HNF1A: variants seen among roughly 807,000 people sequenced by gnomAD.
HNF1A encodes the protein HNF1 homeobox A, also known as hepatocyte nuclear factor 1-alpha.
A neutral mutation model predicts 62.2 loss-of-function variants in HNF1A; 21 were observed. The observed-to-expected ratio is 0.34, with a 90% CI of 0.24 to 0.49. The LOEUF (loss-of-function observed/expected upper bound fraction) is 0.49. HNF1A is among the 20% of genes least tolerant of loss of function. The pLI is 0.99. For missense variants in HNF1A, 687 were observed against 832.3 expected, an observed-to-expected ratio of 0.83 and a Z score of 2.15; for synonymous variants, 374 against 366.8, an observed-to-expected ratio of 1.02 and a Z score of -0.22.
At chr12:120,994,637 TTCCATCCAC>T (rs1462304587) in intron 4 of HNF1A, among the ~76,000 whole-genome samples, 2 of 149,674 alleles carry the variant, frequency 1.3e-5, no homozygotes, top group Non-Finnish European at 1.5e-5. Context: ...ATTAACCCCA[TTCCATCCAC>T]TCCATCCACT....
chr12:120,991,668 A>C (rs1433581940), intron 2 of HNF1A, among the ~76,000 whole-genome samples: 2 of 152,268 alleles, frequency 1.3e-5, no homozygotes, highest in Admixed American at 6.5e-5. Flanking sequence ...TGCAATAGAC[A>C]ACTCTAGTCC....
At chr12:120,982,298 G>A (rs918782025) in intron 1 of HNF1A, among the ~76,000 whole-genome samples, 2 of 152,110 alleles carry the variant, frequency 1.3e-5, no homozygotes, top group African/African-American at 2.4e-5. Context: ...TCAAACTCCT[G>A]ACCTCAGGTG....
intron 1 of HNF1A, among the ~76,000 whole-genome samples, chr12:120,980,187 A>T (rs1209322625): frequency 6.6e-6 from 1 of 152,172 alleles, no homozygotes; most frequent in Non-Finnish European, 1.5e-5. Flanking sequence ...TAGAGCCGGG[A>T]AGGAGCTAGA....
In HNF1A at chr12:120,996,756, G is replaced by C; in HGVS notation, c.1309+14G>C. ...CCCTGGTCATCGGTAAGCTGGTGGG[G>C]ATGGGTGGGCACCTGGGTGGGAGGC... is the stretch of plus-strand genomic sequence containing the variant. On this transcript the variant is annotated intron_variant, in intron 6 of 9. Coordinates refer to ENST00000257555, the MANE Select transcript of HNF1A (RefSeq NM_000545.8). The surrounding 1 kb of genome is among the most constrained non-coding windows in gnomAD (Gnocchi z 4.5). 6.2e-7 allele frequency: 1 copy of C among 1,613,764 alleles called. No individual in the cohort carries two copies. The highest frequency in any genetic ancestry group is 8.5e-7 in the Non-Finnish European group (1 of 1,179,892).
intron 1 of HNF1A, 139 bp downstream of exon 1, chr12:120,979,233 T>G (rs1876127209): frequency 1.2e-6 from 1 of 805,532 alleles, no homozygotes; most frequent in South Asian, 1.5e-5. Flanking sequence ...ACAGGGCCCA[T>G]GAGAGCCCAG....
In HNF1A at chr12:121,002,252, G is replaced by T; in HGVS notation, c.*1060G>T. 1 of 441,092 alleles carries T rather than the reference G, an allele frequency of 2.3e-6. No individual in the cohort carries two copies. The highest frequency in any genetic ancestry group is 2.0e-5 in the African/African-American group (1 of 50,800). 27.3% of individuals were successfully genotyped at this position (441,092 alleles called of 1,614,324 possible). On this transcript the variant is annotated 3_prime_UTR_variant, in exon 10 of 10. Coordinates refer to ENST00000257555, the MANE Select transcript of HNF1A (RefSeq NM_000545.8). ...CAGAAGCCTGGGGGCCTGGCTGGCT[G>T]AGGGCAGTTCGCAGCCACCCTGAGG... is the stretch of plus-strand genomic sequence containing the variant.
At position 120,996,199 on chromosome 12, in the gene HNF1A, C is replaced by A. The variant is rs143288472; in HGVS notation, c.956-63C>A. The A allele has an allele frequency of 6.6e-5, 105 of 1,589,130 alleles. 1 individual carries two copies. In the African/African-American group the frequency reaches 6.7e-4, roughly 10 times the overall value. On this transcript the variant is annotated intron_variant, in intron 4 of 9. Transcript: ENST00000257555. This position sits in a 1 kb window ranked among gnomAD's most constrained non-coding sequence, Gnocchi z 4.5. ...CCAATGGAGTTTGAAGTGCTGAGGG[C>A]TGTGGAGGCAGGGGAGGGCAGGGAA...
intron 1 of HNF1A, among the ~76,000 whole-genome samples, chr12:120,981,246 A>C (rs566427780): frequency 8.5e-5 from 13 of 152,292 alleles, no homozygotes; most frequent in African/African-American, 3.1e-4. Context: ...TGTCTAGTAG[A>C]AGCTGTTTCC....
chr12:120,986,925 G>A (rs1157489900), intron 1 of HNF1A, among the ~76,000 whole-genome samples: 1 of 152,068 alleles, frequency 6.6e-6, no homozygotes, highest in African/African-American at 2.4e-5. Context: ...TTCAGGAGAG[G>A]GAGAGAGAAA....
chr12:120,990,267 G>T (rs1224959101), intron 2 of HNF1A, among the ~76,000 whole-genome samples: 1 of 151,886 alleles, frequency 6.6e-6, no homozygotes, highest in African/African-American at 2.4e-5. Context: ...TCAGCCTCCC[G>T]AGTAGCTGGG....
chr12:120,978,544 G>A lies in HNF1A; in HGVS notation c.-225G>A. 1.6e-6 allele frequency: 1 copy of A among 608,220 alleles called. No individual in the cohort carries two copies. The highest frequency in any genetic ancestry group is 2.8e-5 in the East Asian group (1 of 35,894). The allele number at this position is 608,220 out of a possible 1,614,324, so 37.7% of individuals were successfully genotyped here. A position where few individuals can be genotyped will look rare whatever the true frequency, so the allele number is the denominator to read the frequency against. ...ATATGAACCTTGGAGAATTTCCCCAGCTCCAATGTAAACAGAACAGGCAGG... is the reference window on the plus strand; with the variant it reads ...ATATGAACCTTGGAGAATTTCCCCAACTCCAATGTAAACAGAACAGGCAGG... On this transcript the variant is annotated 5_prime_UTR_variant, in exon 1 of 10. Coordinates refer to ENST00000257555, the MANE Select transcript of HNF1A (RefSeq NM_000545.8).
chr12:120,993,808 C>G (rs901028641), intron 3 of HNF1A, 102 bp downstream of exon 3: 1 of 1,233,108 alleles, frequency 8.1e-7, no homozygotes, highest in Non-Finnish European at 1.1e-6. Flanking sequence ...GTCCAGTTGC[C>G]GAGAACTCCT....
chr12:120,990,511 G>A lies in HNF1A; in HGVS notation c.526+1479G>A, dbSNP rs527729160. Among the ~76,000 whole-genome samples the A allele has an allele frequency of 2.0e-4, 31 of 152,250 alleles. No individual in the cohort carries two copies. In the South Asian group the frequency reaches 5.8e-3, roughly 29 times the overall value. ...TCAGCTACTGAGGAGGCTGAGGTGGGAGGACTGTTTGAGCCCCCAGGGGTT... is the reference window on the plus strand; with the variant it reads ...TCAGCTACTGAGGAGGCTGAGGTGGAAGGACTGTTTGAGCCCCCAGGGGTT... On this transcript the variant is annotated intron_variant, in intron 2 of 9. Transcript: ENST00000257555.
At position 120,989,037 on chromosome 12, in the gene HNF1A, G is replaced by A. The variant is rs1432009039; in HGVS notation, c.526+5G>A. 1 of 1,614,036 alleles carries A rather than the reference G, an allele frequency of 6.2e-7. No homozygotes were observed. Among genetic ancestry groups the A allele is most frequent in the Non-Finnish European group, 8.5e-7 (1 of 1,179,988 alleles). On this transcript the variant is annotated splice_donor_5th_base_variant and intron_variant, in intron 2 of 9. Coordinates refer to ENST00000257555, the MANE Select transcript of HNF1A (RefSeq NM_000545.8). ...AGCAGCGAGAGGTGGCGCAGCGTAA[G>A]TAATGACCCTACCCCGCATCTTCCC...
intron 1 of HNF1A, among the ~76,000 whole-genome samples, chr12:120,982,011 G>A (rs1470943499): frequency 6.6e-6 from 1 of 152,164 alleles, no homozygotes; most frequent in Non-Finnish European, 1.5e-5. Context: ...CTTCCTGGGT[G>A]TCCTCCCGGG....
intron 4 of HNF1A, among the ~76,000 whole-genome samples, chr12:120,995,728 C>CTA (rs1877063230): frequency 6.6e-6 from 1 of 151,956 alleles, no homozygotes. Flanking sequence ...CCACTCCACC[C>CTA]TATACCATTC....
chr12:120,997,161 A>G, intron 6 of HNF1A: 1 of 1,409,628 alleles, frequency 7.1e-7, no homozygotes, highest in Non-Finnish European at 9.2e-7. Flanking sequence ...GGAGCAGAGA[A>G]CTGACCCCAT....
intron 1 of HNF1A, among the ~76,000 whole-genome samples, chr12:120,986,489 C>G (rs1480592729): frequency 3.9e-5 from 6 of 152,240 alleles, no homozygotes; most frequent in Non-Finnish European, 8.8e-5. Flanking sequence ...GGGGAAAGCA[C>G]AGGCTTTGGA....
At position 120,997,628 on chromosome 12, in the gene HNF1A, C is replaced by G. The variant is rs765827203; in HGVS notation, c.1464C>G (p.Pro488=). 27 of 1,613,232 alleles carry G rather than the reference C, an allele frequency of 1.7e-5. No homozygotes were observed. In the South Asian group the frequency reaches 2.7e-4, roughly 16 times the overall value. The change falls in exon 7 of 10, where the codon CCC becomes CCG. Residue 488 remains proline, a synonymous_variant. Coordinates refer to ENST00000257555, the MANE Select transcript of HNF1A (RefSeq NM_000545.8). The part of the protein sequence containing the change: ...PPVQSHVTQS[P]FMATMAQLQS... The stretch of plus-strand genomic sequence containing the variant: ...TGCAGAGCCATGTGACCCAGAGCCC[C>G]TTCATGGCCACCATGGCTCAGCTGC...
Sources: gnomAD v4.1 joint callset for allele counts (sites outside exome capture counted in the v4.1 genomes callset) on GRCh38, gnomAD v4.1.1 for gene constraint, Gnocchi (gnomAD v3.1) non-coding constraint, MANE v1.5 for transcripts, NCBI Gene and HGNC (gene_info 2026-07-23, HGNC 2026-07-21) for gene names.